The following B4GALT6 variants were observed in gnomAD, a reference collection of about 807,000 sequenced individuals.
B4GALT6 encodes the protein UDP-Gal:beta-GlcNAc beta-1,4-galactosyltransferase 6.
A neutral mutation model predicts 46.3 loss-of-function variants in B4GALT6; 14 were observed. The ratio of observed to expected loss-of-function variants is 0.30; its 90% CI spans 0.20 to 0.47. The LOEUF (loss-of-function observed/expected upper bound fraction) is 0.47, where lower values mean the gene tolerates loss of function less well. Among genes scored for constraint, B4GALT6 ranks in the 20% least tolerant of loss-of-function variants. B4GALT6 has a pLI of 0.99. For synonymous variants in B4GALT6, 168 were observed against 162.0 expected (o/e 1.04, Z -0.28); for missense variants, 386 against 480.1 (o/e 0.80, Z 1.83).
intron 6 of B4GALT6, among the ~76,000 whole-genome samples, chr18:31,630,356 A>G (rs1235498101): frequency 2.0e-5 from 3 of 151,896 alleles, no homozygotes; most frequent in East Asian, 1.9e-4. Context: ...TTAAGTTACT[A>G]TCTCAGCTCT....
At chr18:31,627,578 C>T (rs779777755) in intron 6 of B4GALT6, among the ~76,000 whole-genome samples, 21 of 152,236 alleles carry the variant, frequency 1.4e-4, no homozygotes, top group Non-Finnish European at 2.6e-4. Context: ...AAAGACAATT[C>T]TAGCATTTAA....
intron 5 of B4GALT6, 41 bp from the exon 6 acceptor site, chr18:31,631,187 C>T (rs754027203): frequency 1.9e-4 from 262 of 1,414,702 alleles, no homozygotes; most frequent in Non-Finnish European, 2.5e-4. Context: ...GAAATGTACT[C>T]ACACTTCATC....
chr18:31,715,091 T>G, the B4GALT6 span, among the ~76,000 whole-genome samples: 1 of 152,248 alleles, frequency 6.6e-6, no homozygotes, highest in Non-Finnish European at 1.5e-5. Flanking sequence ...GATACTTTCT[T>G]GCTGGACCCA....
intron 6 of B4GALT6, among the ~76,000 whole-genome samples, chr18:31,629,418 T>C (rs1185396433): frequency 6.7e-6 from 1 of 149,396 alleles, no homozygotes; most frequent in Non-Finnish European, 1.5e-5. Flanking sequence ...TAAATTAATT[T>C]AGAATTCTTA....
At chr18:31,724,445 C>T in the B4GALT6 span, 1 of 1,033,378 alleles carries the variant, frequency 9.7e-7, no homozygotes, top group Non-Finnish European at 1.2e-6. Flanking sequence ...GAATCGCCGC[C>T]ATGAGCTAAC....
chr18:31,671,143 T>C (rs965526089), intron 1 of B4GALT6, among the ~76,000 whole-genome samples: 2 of 152,204 alleles, frequency 1.3e-5, no homozygotes, highest in Admixed American at 6.5e-5. Flanking sequence ...ATCCAGTCTA[T>C]CACTGATAGA....
intron 3 of B4GALT6, among the ~76,000 whole-genome samples, chr18:31,650,685 A>ATAT: frequency 6.6e-6 from 1 of 152,202 alleles, no homozygotes; most frequent in East Asian, 1.9e-4. Context: ...TAAATCAGAT[A>ATAT]AAGTATATTC....
upstream of B4GALT6, among the ~76,000 whole-genome samples, chr18:31,690,671 A>T (rs1029410500): frequency 6.6e-6 from 1 of 150,932 alleles, no homozygotes; most frequent in Non-Finnish European, 1.5e-5. Context: ...GGGTTTCACC[A>T]TGTTGGTCAG....
chr18:31,656,184 A>C (rs2074136283), intron 3 of B4GALT6, among the ~76,000 whole-genome samples: 1 of 152,180 alleles, frequency 6.6e-6, no homozygotes, highest in South Asian at 2.1e-4. Flanking sequence ...TTGATATATA[A>C]TATCTATCAA....
chr18:31,668,433 G>A (rs543912471), intron 1 of B4GALT6, among the ~76,000 whole-genome samples: 1 of 152,212 alleles, frequency 6.6e-6, no homozygotes, highest in African/African-American at 2.4e-5. Flanking sequence ...ATGTAACAAA[G>A]TTGCACATGT....
At chr18:31,660,140 T>TGGAGACCAGCCTG (rs2074194920) in intron 2 of B4GALT6, among the ~76,000 whole-genome samples, 2 of 151,832 alleles carry the variant, frequency 1.3e-5, no homozygotes, top group Non-Finnish European at 2.9e-5. Context: ...GTATTTTTTG[T>TGGAGACCAGCCTG]AGAGACAGGG....
chr18:31,695,744 G>A, the B4GALT6 span, among the ~76,000 whole-genome samples: 1 of 152,312 alleles, frequency 6.6e-6, no homozygotes, highest in South Asian at 2.1e-4. Flanking sequence ...GGAAAAAATA[G>A]TGCAACTTCT....
intron 3 of B4GALT6, among the ~76,000 whole-genome samples, chr18:31,654,471 T>C (rs1339375501): frequency 1.3e-5 from 2 of 152,224 alleles, no homozygotes; most frequent in Non-Finnish European, 2.9e-5. Context: ...ACTCTTCATA[T>C]AAAATATACA....
At chr18:31,714,287 G>A in the B4GALT6 span, among the ~76,000 whole-genome samples, 5 of 152,124 alleles carry the variant, frequency 3.3e-5, no homozygotes, top group Non-Finnish European at 4.4e-5. Context: ...CACTGAACTG[G>A]AGCAACAAAA....
At chr18:31,699,191 G>A in the B4GALT6 span, among the ~76,000 whole-genome samples, 1 of 150,710 alleles carries the variant, frequency 6.6e-6, no homozygotes, top group African/African-American at 2.4e-5. Context: ...TAGTCATCAG[G>A]GAAAGAAAAC....
At chr18:31,657,682 A>C (rs2074158109) in intron 3 of B4GALT6, among the ~76,000 whole-genome samples, 1 of 152,244 alleles carries the variant, frequency 6.6e-6, no homozygotes, top group Non-Finnish European at 1.5e-5. Flanking sequence ...CTGTTTTAAA[A>C]GAACTTGGAC....
chr18:31,700,598 A>G, the B4GALT6 span, among the ~76,000 whole-genome samples: 31 of 152,214 alleles, frequency 2.0e-4, no homozygotes, highest in African/African-American at 7.2e-4. Flanking sequence ...CTGGGACTAC[A>G]GGTGCCTGCC....
the B4GALT6 span, among the ~76,000 whole-genome samples, chr18:31,694,339 TA>T: frequency 2.0e-5 from 3 of 152,158 alleles, no homozygotes; most frequent in Non-Finnish European, 4.4e-5. Context: ...TCAGTACATA[TA>T]AAAAAGACTT....
Position 31,641,450 on chromosome 18 carries a change from G to C in B4GALT6, c.472-2690C>G, listed in dbSNP as rs1289014070. Among the ~76,000 whole-genome samples, 3 of 152,176 alleles carry C rather than the reference G, an allele frequency of 2.0e-5. No individual in the cohort carries two copies. The East Asian group carries it at 5.8e-4, about 29-fold the overall frequency. On this transcript the variant is annotated intron_variant, in intron 4 of 8. Coordinates refer to ENST00000306851, the MANE Select transcript of B4GALT6 (RefSeq NM_004775.5). Reference sequence around the variant, plus strand: ...AAGGCAAAGCTTTTATTAAAATAAAGCTAAACAATATCTTAAAAGTTCATC... The same window carrying C: ...AAGGCAAAGCTTTTATTAAAATAAACCTAAACAATATCTTAAAAGTTCATC...
Sources: allele counts gnomAD v4.1 joint callset (sites outside exome capture counted in the v4.1 genomes callset), GRCh38; gene constraint gnomAD v4.1.1; transcripts MANE v1.5; gene names NCBI Gene and HGNC (gene_info 2026-07-23, HGNC 2026-07-21).